The following CALN1 variants were observed in gnomAD, a reference collection of about 807,000 sequenced individuals.
CALN1 encodes calneuron 1.
In CALN1, 17 loss-of-function variants were observed where a neutral mutation model predicts 30.6. The ratio of observed to expected loss-of-function variants is 0.56; its 90% CI spans 0.38 to 0.83. CALN1 has a LOEUF of 0.83. Ranked by LOEUF, CALN1 falls within the 40% of genes least tolerant of loss-of-function variation. CALN1 has a pLI of 0.00. For synonymous variants in CALN1, 156 were observed against 131.4 expected (o/e 1.19, Z -1.28); for missense variants, 291 against 354.9 (o/e 0.82, Z 1.45).
chr7:72,416,857 G>A (rs1326080771), upstream of CALN1, among the ~76,000 whole-genome samples: 1 of 152,166 alleles, frequency 6.6e-6, no homozygotes, highest in African/African-American at 2.4e-5. Flanking sequence ...GGTTGAGCTG[G>A]GGTGGGCTGG....
intron 4 of CALN1, among the ~76,000 whole-genome samples, chr7:72,060,256 A>G (rs1280511359): frequency 6.6e-6 from 1 of 152,210 alleles, no homozygotes; most frequent in Non-Finnish European, 1.5e-5. Context: ...CCTTCTGATC[A>G]GTGGAACCAT....
intron 3 of CALN1, among the ~76,000 whole-genome samples, chr7:72,192,602 C>A (rs183515712): frequency 6.6e-6 from 1 of 151,696 alleles, no homozygotes; most frequent in Non-Finnish European, 1.5e-5. Context: ...ATACCCTAGG[C>A]AACATTGGGA....
In CALN1 at chr7:72,403,438, A is replaced by C; in HGVS notation, c.-69T>G. On this transcript the variant is annotated 5_prime_UTR_variant, in exon 2 of 7. Coordinates refer to ENST00000395275, the MANE Select transcript of CALN1 (RefSeq NM_031468.4). Reference sequence around the variant, plus strand: ...CAAAGGAACGTCAGCGAAGGCACTGAGACTCTGAAAGGAGTTGACAGAAAC... The same window carrying C: ...CAAAGGAACGTCAGCGAAGGCACTGCGACTCTGAAAGGAGTTGACAGAAAC... The C allele has an allele frequency of 1.6e-6, 2 of 1,260,812 alleles. No homozygotes were observed. The highest frequency in any genetic ancestry group is 2.2e-6 in the Non-Finnish European group (2 of 910,414). The allele number at this position is 1,260,812 out of a possible 1,614,324, so 78.1% of individuals were successfully genotyped here.
chr7:72,408,825 G>C (rs1806895378), intron 1 of CALN1, among the ~76,000 whole-genome samples: 1 of 151,498 alleles, frequency 6.6e-6, no homozygotes, highest in Non-Finnish European at 1.5e-5. Flanking sequence ...CTACAGGCGG[G>C]CACCATCACT....
In CALN1 at chr7:72,308,371, GGGAGAGAGAGAGAGAGA is replaced by G. The variant is rs1169405112; in HGVS notation, c.120-29578_120-29562del. ...AGAGTGAGATGCTGTCTGTGGGGGG[GGGAGAGAGAGAGAGAGA>G]GAGAGAGAGAGAGAGAGGAAAGAAA... On this transcript the variant is annotated intron_variant, in intron 2 of 6. Coordinates refer to ENST00000395275, the MANE Select transcript of CALN1 (RefSeq NM_031468.4). Among the ~76,000 whole-genome samples the G allele has an allele frequency of 1.7e-3, 163 of 94,184 alleles. 8 individuals are homozygous for G. The highest frequency in any genetic ancestry group is 6.3e-3 in the African/African-American group (152 of 24,206). The allele number at this position is 94,184 out of a possible 152,430, so 61.8% of individuals were successfully genotyped here.
At chr7:72,111,651 T>G (rs1489042959) in intron 3 of CALN1, among the ~76,000 whole-genome samples, 1 of 152,144 alleles carries the variant, frequency 6.6e-6, no homozygotes, top group East Asian at 1.9e-4. Flanking sequence ...TCTCGCCATG[T>G]TGCCCAGGCT....
At chr7:72,387,254 G>A (rs1585633636) in intron 2 of CALN1, among the ~76,000 whole-genome samples, 1 of 28,332 alleles carries the variant, frequency 3.5e-5, no homozygotes, top group South Asian at 2.8e-3. Flanking sequence ...GGGAGGGAGG[G>A]AGGAAGGGAG....
chr7:72,247,760 G>A (rs987930956), intron 3 of CALN1, among the ~76,000 whole-genome samples: 1 of 152,104 alleles, frequency 6.6e-6, no homozygotes, highest in Non-Finnish European at 1.5e-5. Flanking sequence ...GGAAGCCAAG[G>A]CAACAGGATT....
the CALN1 span, among the ~76,000 whole-genome samples, chr7:72,457,192 T>TTTTAAATGCAAAAAAAA: frequency 1.2e-4 from 18 of 152,172 alleles, no homozygotes; most frequent in African/African-American, 3.9e-4. Context: ...GCATTTTTAG[T>TTTTAAATGCAAAAAAAA]AGAGATGTGG....
chr7:72,222,602 G>C (rs1301261142), intron 3 of CALN1, among the ~76,000 whole-genome samples: 1 of 152,060 alleles, frequency 6.6e-6, no homozygotes, highest in African/African-American at 2.4e-5. Context: ...ATTTGGGTGG[G>C]GGACACAGAT....
intron 2 of CALN1, among the ~76,000 whole-genome samples, chr7:72,396,908 A>G (rs1479997438): frequency 6.6e-6 from 1 of 152,080 alleles, no homozygotes; most frequent in Non-Finnish European, 1.5e-5. Context: ...TAGTAGTAGT[A>G]AAAGTAGTAG....
chr7:72,385,747 G>A (rs570577036), intron 2 of CALN1, among the ~76,000 whole-genome samples: 5 of 152,176 alleles, frequency 3.3e-5, no homozygotes, highest in African/African-American at 1.2e-4. Flanking sequence ...GAGATCGAAT[G>A]GTTTAAAAGT....
intron 1 of CALN1, among the ~76,000 whole-genome samples, chr7:72,411,186 C>T (rs377725143): frequency 6.6e-6 from 1 of 152,030 alleles, no homozygotes; most frequent in Non-Finnish European, 1.5e-5. Context: ...AAAAGCAAAG[C>T]AATTCCTTAA....
intron 4 of CALN1, among the ~76,000 whole-genome samples, chr7:72,060,817 A>G (rs1434638933): frequency 1.3e-5 from 2 of 152,080 alleles, no homozygotes; most frequent in African/African-American, 4.8e-5. Flanking sequence ...TTCTGCCATG[A>G]CTGAAAGCTT....
intron 2 of CALN1, among the ~76,000 whole-genome samples, chr7:72,350,391 C>A (rs1802859937): frequency 6.6e-6 from 1 of 152,106 alleles, no homozygotes; most frequent in African/African-American, 2.4e-5. Context: ...AAGTACCCAG[C>A]AATGCTAGAC....
At chr7:72,388,521 C>T (rs1478264208) in intron 2 of CALN1, among the ~76,000 whole-genome samples, 1 of 152,156 alleles carries the variant, frequency 6.6e-6, no homozygotes, top group Non-Finnish European at 1.5e-5. Flanking sequence ...GCACATGTAC[C>T]ATACTTAAGT....
intron 3 of CALN1, among the ~76,000 whole-genome samples, chr7:72,163,391 TTAAAAAA>T (rs1788270895): frequency 7.7e-6 from 1 of 130,428 alleles, no homozygotes. Flanking sequence ...TTATTGGAGA[TTAAAAAA>T]AAAAAAAAAA....
At chr7:72,121,964 C>A (rs1808429579) in intron 3 of CALN1, among the ~76,000 whole-genome samples, 2 of 150,320 alleles carry the variant, frequency 1.3e-5, no homozygotes. Flanking sequence ...GAAAGATCGA[C>A]CTTTTCCCAT....
chr7:72,193,735 A>G (rs988578759), intron 3 of CALN1, among the ~76,000 whole-genome samples: 1 of 152,232 alleles, frequency 6.6e-6, no homozygotes, highest in African/African-American at 2.4e-5. Flanking sequence ...AAAATATTCT[A>G]TCAGTCAATG....
Sources: gnomAD v4.1 joint callset for allele counts (sites outside exome capture counted in the v4.1 genomes callset) on GRCh38, gnomAD v4.1.1 for gene constraint, MANE v1.5 for transcripts, NCBI Gene and HGNC (gene_info 2026-07-23, HGNC 2026-07-21) for gene names.